The following SLC20A2 variants were observed in gnomAD, a reference collection of about 807,000 sequenced individuals.
SLC20A2 encodes sodium-dependent phosphate transporter 2.
In SLC20A2, 30 loss-of-function variants were observed where a neutral mutation model predicts 61.0. That is an observed-to-expected ratio of 0.49 (90% CI 0.37 to 0.67). The LOEUF is 0.67. SLC20A2 is among the 30% of genes least tolerant of loss of function. The pLI is 0.00. For missense variants in SLC20A2, 626 were observed against 866.4 expected, an observed-to-expected ratio of 0.72 and a Z score of 3.48; for synonymous variants, 351 against 353.3, an observed-to-expected ratio of 0.99 and a Z score of 0.07.
upstream of SLC20A2, among the ~76,000 whole-genome samples, chr8:42,504,131 A>T (rs1263512524): frequency 1.3e-5 from 2 of 152,096 alleles, no homozygotes; most frequent in Non-Finnish European, 2.9e-5. Context: ...TGTAGAGAGG[A>T]GGTCTCACCA....
intron 6 of SLC20A2, among the ~76,000 whole-genome samples, chr8:42,444,219 T>C (rs1805031946): frequency 6.6e-6 from 1 of 152,204 alleles, no homozygotes; most frequent in Non-Finnish European, 1.5e-5. Context: ...CCAAAGTGGT[T>C]GCACCATTTT....
intron 5 of SLC20A2, among the ~76,000 whole-genome samples, chr8:42,455,989 A>G (rs1454372556): frequency 6.6e-6 from 1 of 152,060 alleles, no homozygotes; most frequent in African/African-American, 2.4e-5. Flanking sequence ...TCTCACAACA[A>G]CCCTATGAAG....
chr8:42,487,323 G>A (rs141244837), intron 1 of SLC20A2, among the ~76,000 whole-genome samples: 2,047 of 151,706 alleles, frequency 0.013, 45 homozygotes, highest in African/African-American at 0.043. Flanking sequence ...GACTACTGGC[G>A]CCCGCGACCA....
In SLC20A2 at chr8:42,428,947, G is replaced by A. The variant is rs148472682; in HGVS notation, c.1710-105C>T. 404 of 828,454 alleles carry A rather than the reference G, an allele frequency of 4.9e-4. No individual in the cohort carries two copies. The African/African-American group carries it at 5.1e-3, about 11-fold the overall frequency. 51.3% of individuals were successfully genotyped at this position (828,454 alleles called of 1,614,324 possible). A position where few individuals can be genotyped will look rare whatever the true frequency, so the allele number is the denominator to read the frequency against. On this transcript the variant is annotated intron_variant, in intron 9 of 10. Transcript: ENST00000520262. ...CAGAACATTCTCTGGGGTGACTGCC[G>A]ACTGCTGACTGGGCAAGATCAATTT...
rs770569487 is a variant in SLC20A2, at chr8:42,539,243, AAAG to A, written c.-265+2575_-265+2577del. On this transcript the variant is annotated intron_variant, in intron 1 of 10. Coordinates refer to the SLC20A2 transcript ENST00000342228. The stretch of plus-strand genomic sequence containing the variant: ...AGTTCCAGCATGCTTTTTTAATCAC[AAAG>A]AAGACACACATCCAACTCTCCAGTC... Among the ~76,000 whole-genome samples the A allele has an allele frequency of 4.8e-4, 73 of 152,196 alleles. 2 individuals are homozygous for A. The highest frequency in any genetic ancestry group is 1.5e-4 in the Non-Finnish European group (10 of 68,032).
chr8:42,440,261 A>G (rs1804674243), intron 6 of SLC20A2, among the ~76,000 whole-genome samples: 1 of 152,174 alleles, frequency 6.6e-6, no homozygotes, highest in African/African-American at 2.4e-5. Flanking sequence ...TCCCTCCAGC[A>G]CTAATGTTCT....
chr8:42,494,645 A>G (rs1667008226), intron 1 of SLC20A2, among the ~76,000 whole-genome samples: 2 of 152,208 alleles, frequency 1.3e-5, no homozygotes, highest in Non-Finnish European at 2.9e-5. Context: ...ATGGCTGCGT[A>G]GTGTTCTATG....
intron 1 of SLC20A2, among the ~76,000 whole-genome samples, chr8:42,498,646 T>C (rs1287065675): frequency 1.3e-5 from 2 of 152,122 alleles, no homozygotes; most frequent in Admixed American, 6.5e-5. Context: ...CATATCCCAT[T>C]ATGTTACACT....
intron 1 of SLC20A2, among the ~76,000 whole-genome samples, chr8:42,494,895 G>A (rs1213986567): frequency 6.6e-6 from 1 of 152,046 alleles, no homozygotes; most frequent in Non-Finnish European, 1.5e-5. Flanking sequence ...CACCCAGGCT[G>A]GAGTGCAACG....
intron 1 of SLC20A2, among the ~76,000 whole-genome samples, chr8:42,536,815 T>A (rs902242104): frequency 6.6e-6 from 1 of 152,174 alleles, no homozygotes; most frequent in Non-Finnish European, 1.5e-5. Flanking sequence ...GGTTCACACC[T>A]GTAATCACAG....
rs59925363 is a variant in SLC20A2 at position 42,486,140 on chromosome 8, C to CTGTGTGTGTGTG, written c.-264-13498_-264-13487dup. Among the ~76,000 whole-genome samples the CTGTGTGTGTGTG allele has an allele frequency of 7.0e-3, 1,043 of 149,018 alleles. 14 individuals carry two copies. Among genetic ancestry groups the CTGTGTGTGTGTG allele is most frequent in the African/African-American group, 0.025 (1,013 of 40,940 alleles). On this transcript the variant is annotated intron_variant, in intron 1 of 10. Coordinates refer to ENST00000520262, the MANE Select transcript of SLC20A2 (RefSeq NM_001257180.2). ...AATTATCTTTAGCAGAGCTCTCTCA[C>CTGTGTGTGTGTG]TGTGTGTGTGTGTGTGTGTGTGTGT...
At chr8:42,520,918 G>A (rs913818127) in intron 1 of SLC20A2, among the ~76,000 whole-genome samples, 1 of 120,816 alleles carries the variant, frequency 8.3e-6, no homozygotes, top group South Asian at 2.9e-4. Context: ...ATAAGACAGG[G>A]TTCTATATGT....
rs926007083 is a variant in SLC20A2 at position 42,417,630 on chromosome 8, C to CT, written c.*172dup. The CT allele has an allele frequency of 1.7e-6, 1 of 574,236 alleles. No individual in the cohort carries two copies. The highest frequency in any genetic ancestry group is 3.0e-5 in the Admixed American group (1 of 33,316). 35.6% of individuals were successfully genotyped at this position (574,236 alleles called of 1,614,324 possible). On this transcript the variant is annotated 3_prime_UTR_variant, in exon 11 of 11. Coordinates refer to ENST00000520262, the MANE Select transcript of SLC20A2 (RefSeq NM_001257180.2). ...GTTAAGTTAGCTCGGGAAGGTGAGT[C>CT]TCCGCAGCCTGGGTGAACAGTGTGG...
intron 1 of SLC20A2, among the ~76,000 whole-genome samples, chr8:42,506,819 C>T (rs545473683): frequency 6.6e-6 from 1 of 152,158 alleles, no homozygotes; most frequent in Non-Finnish European, 1.5e-5. Context: ...CCTTCCTTAC[C>T]CTAGGGAGTC....
intron 10 of SLC20A2, among the ~76,000 whole-genome samples, chr8:42,424,248 T>C (rs187123692): frequency 6.6e-6 from 1 of 151,878 alleles, no homozygotes; most frequent in East Asian, 1.9e-4. Context: ...ATGAACGAAT[T>C]GCTGAAACAT....
chr8:42,489,703 G>A (rs908542208), intron 1 of SLC20A2, among the ~76,000 whole-genome samples: 1 of 152,190 alleles, frequency 6.6e-6, no homozygotes, highest in African/African-American at 2.4e-5. Context: ...TAACTCGCTA[G>A]GGATCACTTG....
At position 42,437,210 on chromosome 8, in the gene SLC20A2, C is replaced by T. The variant is rs1451201991; in HGVS notation, c.1302G>A (p.Ser434=). Residue 434 remains serine, a synonymous_variant, in exon 8 of 11, where the codon TCG becomes TCA. Coordinates refer to ENST00000520262, the MANE Select transcript of SLC20A2 (RefSeq NM_001257180.2). The surrounding 1 kb of genome is among the most constrained non-coding windows in gnomAD (Gnocchi z 6.4). The part of the protein sequence containing the change: ...SKKRLRYDSY[S]SYCNAVAEAE... ...CCTCTGCCACCGCGTTACAGTAGCT[C>T]GAGTAGCTGTCGTAGCGCAGCCTCT... 1.4e-5 allele frequency: 23 copies of T among 1,613,554 alleles called. No homozygotes were observed. The highest frequency in any genetic ancestry group is 1.3e-4 in the Admixed American group (8 of 60,000).
intron 10 of SLC20A2, among the ~76,000 whole-genome samples, chr8:42,425,954 T>G (rs1001035276): frequency 2.0e-5 from 3 of 152,082 alleles, no homozygotes. Flanking sequence ...GAGAATGGCA[T>G]GAACCCAGGA....
At chr8:42,517,158 T>A (rs1811367573) in intron 1 of SLC20A2, among the ~76,000 whole-genome samples, 1 of 152,178 alleles carries the variant, frequency 6.6e-6, no homozygotes, top group Admixed American at 6.5e-5. Flanking sequence ...GGAAATTAGA[T>A]AAACTTACTT....
Sources: allele counts gnomAD v4.1 joint callset (sites outside exome capture counted in the v4.1 genomes callset), GRCh38; gene constraint gnomAD v4.1.1; non-coding constraint Gnocchi (gnomAD v3.1); transcripts MANE v1.5; gene names NCBI Gene and HGNC (gene_info 2026-07-23, HGNC 2026-07-21).